ACOXL: variants seen among roughly 807,000 people sequenced by gnomAD.
The protein encoded by ACOXL is acyl-coenzyme A oxidase-like protein.
A neutral mutation model predicts 71.9 loss-of-function variants in ACOXL; 70 were observed. The observed-to-expected ratio is 0.97, with a 90% CI of 0.80 to 1.19. ACOXL has a LOEUF of 1.19. Among genes scored for constraint, ACOXL ranks in the 50% most tolerant of loss-of-function variants. ACOXL has a pLI of 0.00. For missense variants in ACOXL, 703 were observed against 736.3 expected (o/e 0.95, Z 0.52); for synonymous variants, 253 against 281.6 (o/e 0.90, Z 1.02).
intron 12 of ACOXL, among the ~76,000 whole-genome samples, chr2:110,954,974 C>G (rs1036299363): frequency 6.6e-6 from 1 of 152,130 alleles, no homozygotes; most frequent in Admixed American, 6.6e-5. Flanking sequence ...AATCAGCTAT[C>G]TAATAGTAAT....
intron 14 of ACOXL, among the ~76,000 whole-genome samples, chr2:111,006,354 G>A (rs1477412207): frequency 1.3e-5 from 2 of 152,170 alleles, no homozygotes; most frequent in African/African-American, 2.4e-5. Context: ...GGGAAAGGAC[G>A]ATGTCGTAGA....
chr2:110,834,728 G>A (rs993732923), intron 9 of ACOXL, among the ~76,000 whole-genome samples: 20 of 152,232 alleles, frequency 1.3e-4, no homozygotes, highest in Non-Finnish European at 2.8e-4. Flanking sequence ...CTCTGGAGAG[G>A]AGGTTGAGAG....
At chr2:110,958,024 TG>T (rs2061563645) in intron 12 of ACOXL, among the ~76,000 whole-genome samples, 1 of 130,866 alleles carries the variant, frequency 7.6e-6, no homozygotes, top group African/African-American at 3.0e-5. Flanking sequence ...CACTCCAGCC[TG>T]GGTGACAGAG....
chr2:111,044,289 G>T (rs1055263014), intron 15 of ACOXL, among the ~76,000 whole-genome samples: 1 of 152,260 alleles, frequency 6.6e-6, no homozygotes, highest in South Asian at 2.1e-4. Flanking sequence ...CATGGGTCTA[G>T]AGTGGACACG....
At chr2:110,994,691 C>G (rs999435245) in intron 13 of ACOXL, among the ~76,000 whole-genome samples, 2 of 152,150 alleles carry the variant, frequency 1.3e-5, no homozygotes, top group African/African-American at 4.8e-5. Flanking sequence ...TGTTTTGAGT[C>G]TGTGCTTACC....
At chr2:111,002,552 T>C (rs1447789272) in intron 14 of ACOXL, among the ~76,000 whole-genome samples, 1 of 152,258 alleles carries the variant, frequency 6.6e-6, no homozygotes, top group Non-Finnish European at 1.5e-5. Flanking sequence ...CTTAACAGTA[T>C]GGCTTTCAGA....
intron 14 of ACOXL, among the ~76,000 whole-genome samples, chr2:111,014,439 A>T (rs2064330275): frequency 6.6e-6 from 1 of 152,238 alleles, no homozygotes; most frequent in Non-Finnish European, 1.5e-5. Flanking sequence ...ATATCTGTAC[A>T]CTAAAGACTA....
intron 10 of ACOXL, among the ~76,000 whole-genome samples, chr2:110,871,993 C>T (rs188676576): frequency 8.4e-4 from 128 of 152,356 alleles, no homozygotes; most frequent in Non-Finnish European, 1.6e-3. Flanking sequence ...TAATGATTGT[C>T]ATTGCTCACA....
At chr2:110,770,553 AG>A (rs778067913) in intron 2 of ACOXL, among the ~76,000 whole-genome samples, 2 of 152,216 alleles carry the variant, frequency 1.3e-5, no homozygotes, top group Admixed American at 6.5e-5. Context: ...GACAAAGTGG[AG>A]CGTGCTTGCG....
chr2:111,015,216 G>A (rs1203162790), intron 14 of ACOXL, among the ~76,000 whole-genome samples: 18 of 152,102 alleles, frequency 1.2e-4, no homozygotes, highest in Non-Finnish European at 5.9e-5. Context: ...TGCAATACCT[G>A]TATCTGGCAA....
Position 110,805,272 on chromosome 2 carries a change from C to A in ACOXL, c.630C>A (p.Ser210=). 2.5e-6 allele frequency: 4 copies of A among 1,614,122 alleles called. No individual in the cohort carries two copies. The highest frequency in any genetic ancestry group is 3.4e-6 in the Non-Finnish European group (4 of 1,179,998). ...CCTCTCTTTTCCACAGGTTTGGTTCCGTGGCTCCAGATGGACAGTACCATT... is the reference window on the plus strand; with the variant it reads ...CCTCTCTTTTCCACAGGTTTGGTTCAGTGGCTCCAGATGGACAGTACCATT... ...PRENLLDKFG[S]VAPDGQYHSP... Residue 210 remains serine, a synonymous_variant, in exon 9 of 18, where the codon TCC becomes TCA. Transcript: ENST00000439055.
chr2:110,994,429 GCAA>G lies in ACOXL; in HGVS notation c.1170-1458_1170-1456del, dbSNP rs1033680725. Among the ~76,000 whole-genome samples the G allele has an allele frequency of 3.9e-5, 5 of 129,502 alleles. 1 individual carries two copies. The highest frequency in any genetic ancestry group is 6.2e-5 in the African/African-American group (2 of 32,216). The allele number at this position is 129,502 out of a possible 152,430, so 85.0% of individuals were successfully genotyped here. A position where few individuals can be genotyped will look rare whatever the true frequency, so the allele number is the denominator to read the frequency against. On this transcript the variant is annotated intron_variant, in intron 13 of 17. Coordinates refer to ENST00000439055, the MANE Select transcript of ACOXL (RefSeq NM_001142807.4). ...CGTTTCTCTCGTGCCTTCTGATTGAGCAACAACAGCCACTTGGGTTTTTTTTTA... is the reference window on the plus strand; with the variant it reads ...CGTTTCTCTCGTGCCTTCTGATTGAGCAACAGCCACTTGGGTTTTTTTTTA...
intron 16 of ACOXL, among the ~76,000 whole-genome samples, chr2:111,079,314 A>G (rs560386689): frequency 2.0e-5 from 3 of 152,250 alleles, no homozygotes; most frequent in African/African-American, 4.8e-5. Flanking sequence ...CCTAGTGTAT[A>G]TACATTATTT....
At chr2:111,033,495 AG>A (rs2065368723) in intron 15 of ACOXL, among the ~76,000 whole-genome samples, 1 of 152,206 alleles carries the variant, frequency 6.6e-6, no homozygotes, top group South Asian at 2.1e-4. Context: ...CTATCAAGAC[AG>A]CTCGTGTCCT....
intron 17 of ACOXL, among the ~76,000 whole-genome samples, chr2:111,094,770 C>T (rs2068717000): frequency 1.3e-5 from 2 of 152,326 alleles, no homozygotes; most frequent in Non-Finnish European, 2.9e-5. Context: ...CAGCTATTAA[C>T]AGACAGTGCT....
At chr2:110,900,354 C>G (rs929971540) in intron 10 of ACOXL, among the ~76,000 whole-genome samples, 1 of 152,036 alleles carries the variant, frequency 6.6e-6, no homozygotes, top group South Asian at 2.1e-4. Context: ...TGAGCAGCAT[C>G]GCAGGTAATT....
chr2:111,047,891 A>G (rs1431295189), intron 15 of ACOXL, among the ~76,000 whole-genome samples: 1 of 152,242 alleles, frequency 6.6e-6, no homozygotes, highest in Admixed American at 6.5e-5. Context: ...GGAAGAAATA[A>G]TCAGCACCAG....
intron 7 of ACOXL, among the ~76,000 whole-genome samples, 161 bp downstream of exon 7, chr2:110,799,261 G>C (rs1450650146): frequency 6.6e-6 from 1 of 152,228 alleles, no homozygotes; most frequent in Non-Finnish European, 1.5e-5. Context: ...AGTCTTTTAT[G>C]TAGAACTGTT....
intron 11 of ACOXL, among the ~76,000 whole-genome samples, chr2:110,918,009 T>C (rs1008539719): frequency 2.0e-5 from 3 of 152,176 alleles, no homozygotes; most frequent in African/African-American, 7.2e-5. Context: ...TTCAATGCTA[T>C]CCCTATCAAG....
Sources: gnomAD v4.1 joint callset for allele counts (sites outside exome capture counted in the v4.1 genomes callset) on GRCh38, gnomAD v4.1.1 for gene constraint, MANE v1.5 for transcripts, NCBI Gene and HGNC (gene_info 2026-07-23, HGNC 2026-07-21) for gene names.